The following PRKCZ variants were observed in gnomAD, a reference collection of about 807,000 sequenced individuals.
The protein encoded by PRKCZ is protein kinase C zeta.
A neutral mutation model predicts 79.5 loss-of-function variants in PRKCZ; 33 were observed. That is an observed-to-expected ratio of 0.41 (90% confidence interval 0.31 to 0.55). The LOEUF (loss-of-function observed/expected upper bound fraction) is 0.55, where lower values mean the gene tolerates loss of function less well. Among genes scored for constraint, PRKCZ ranks in the 20% least tolerant of loss-of-function variants. The pLI, the probability that PRKCZ is intolerant of heterozygous loss-of-function variation, is 0.19. For synonymous variants in PRKCZ, 342 were observed against 320.9 expected, an observed-to-expected ratio of 1.07 and a Z score of -0.70; for missense variants, 578 against 813.5, an observed-to-expected ratio of 0.71 and a Z score of 3.52.
chr1:2,112,385 C>T (rs969310795), intron 4 of PRKCZ, among the ~76,000 whole-genome samples: 1 of 152,202 alleles, frequency 6.6e-6, no homozygotes, highest in Non-Finnish European at 1.5e-5. Context: ...TGACGTGCTC[C>T]ATTGCAATGA....
chr1:2,076,451 G>A (rs1296790602), intron 4 of PRKCZ, among the ~76,000 whole-genome samples: 2 of 152,222 alleles, frequency 1.3e-5, no homozygotes, highest in Non-Finnish European at 2.9e-5. Flanking sequence ...GGCAGAAAAA[G>A]CTTTGTTCAG....
chr1:2,170,568 A>T (rs1463563172), intron 11 of PRKCZ, among the ~76,000 whole-genome samples: 1 of 152,160 alleles, frequency 6.6e-6, no homozygotes, highest in Non-Finnish European at 1.5e-5. Flanking sequence ...CTTTGCAGCC[A>T]CTGCTGGCCC....
chr1:2,129,088 G>A (rs1473209662), intron 4 of PRKCZ, among the ~76,000 whole-genome samples: 1 of 152,142 alleles, frequency 6.6e-6, no homozygotes. Flanking sequence ...CCCTGCCTGC[G>A]GGCCCAGAAA....
chr1:2,104,928 A>T, intron 4 of PRKCZ: 1 of 985,344 alleles, frequency 1.0e-6, no homozygotes, highest in Non-Finnish European at 1.2e-6. Flanking sequence ...ACCTCATTAC[A>T]CAGCACCCAG....
chr1:2,069,194 C>T (rs918672249), intron 4 of PRKCZ, among the ~76,000 whole-genome samples: 3 of 152,176 alleles, frequency 2.0e-5, no homozygotes, highest in African/African-American at 7.2e-5. Context: ...CCCCTGCATC[C>T]GTGCTGTGCT....
At chr1:2,155,631 G>A (rs1280525695) in intron 9 of PRKCZ, among the ~76,000 whole-genome samples, 1 of 149,328 alleles carries the variant, frequency 6.7e-6, no homozygotes, top group Non-Finnish European at 1.5e-5. Context: ...TGACAGTGGT[G>A]GTGAAGGTGA....
intron 10 of PRKCZ, among the ~76,000 whole-genome samples, chr1:2,162,193 G>A (rs1046326799): frequency 1.3e-5 from 2 of 152,134 alleles, no homozygotes; most frequent in South Asian, 2.1e-4. Context: ...GTGCAGTGGC[G>A]CAATCTTGGC....
chr1:2,099,753 T>C (rs1667141796), intron 4 of PRKCZ, among the ~76,000 whole-genome samples: 1 of 152,218 alleles, frequency 6.6e-6, no homozygotes, highest in Admixed American at 6.5e-5. Context: ...GCACATTTCA[T>C]GACTCTTTAA....
intron 4 of PRKCZ, among the ~76,000 whole-genome samples, chr1:2,100,496 C>T (rs541081214): frequency 1.3e-5 from 2 of 152,346 alleles, no homozygotes; most frequent in African/African-American, 4.8e-5. Context: ...CGATCTCCTC[C>T]AGGCACTGGC....
chr1:2,062,473 C>G (rs1182774945), intron 4 of PRKCZ, among the ~76,000 whole-genome samples: 1 of 151,544 alleles, frequency 6.6e-6, no homozygotes, highest in Non-Finnish European at 1.5e-5. Context: ...TCTATTTTTG[C>G]CATCTTAACT....
intron 4 of PRKCZ, among the ~76,000 whole-genome samples, chr1:2,076,229 G>A (rs1662391034): frequency 6.6e-6 from 1 of 152,042 alleles, no homozygotes; most frequent in Admixed American, 6.5e-5. Context: ...GCTCGAGTGT[G>A]GGCTCAGCAG....
At chr1:2,148,111 A>G (rs1160296070) in intron 7 of PRKCZ, among the ~76,000 whole-genome samples, 1 of 136,188 alleles carries the variant, frequency 7.3e-6, no homozygotes, top group East Asian at 2.2e-4. Flanking sequence ...CTATCCATCC[A>G]TCTATTGTCC....
chr1:2,086,432 C>T (rs16824755), intron 4 of PRKCZ, among the ~76,000 whole-genome samples: 298 of 152,298 alleles, frequency 2.0e-3, no homozygotes, highest in African/African-American at 6.8e-3. Context: ...TGTCATTGTT[C>T]GTCTTGAGGC....
intron 4 of PRKCZ, among the ~76,000 whole-genome samples, chr1:2,112,848 T>C (rs1348504699): frequency 6.6e-6 from 1 of 152,222 alleles, no homozygotes; most frequent in African/African-American, 2.4e-5. Flanking sequence ...CGCCACCATG[T>C]CTGGCTATTT....
intron 4 of PRKCZ, among the ~76,000 whole-genome samples, chr1:2,065,340 T>C (rs939449476): frequency 2.6e-5 from 4 of 152,246 alleles, no homozygotes; most frequent in Non-Finnish European, 5.9e-5. Flanking sequence ...TTTCTTTTTC[T>C]TGCCTAATTG....
At chr1:2,076,166 T>C (rs1662374028) in intron 4 of PRKCZ, among the ~76,000 whole-genome samples, 1 of 152,096 alleles carries the variant, frequency 6.6e-6, no homozygotes, top group Non-Finnish European at 1.5e-5. Context: ...TGTGGGAAAG[T>C]GTGATGACAT....
intron 4 of PRKCZ, among the ~76,000 whole-genome samples, chr1:2,074,535 C>A (rs953051137): frequency 9.2e-5 from 14 of 152,168 alleles, no homozygotes; most frequent in Non-Finnish European, 1.5e-4. Context: ...CTGGAGACCC[C>A]AGGTGCCAGG....
chr1:2,135,594 G>A (rs910068522), intron 5 of PRKCZ, among the ~76,000 whole-genome samples: 1 of 152,254 alleles, frequency 6.6e-6, no homozygotes, highest in Non-Finnish European at 1.5e-5. Context: ...GTGTCTGCCT[G>A]GCTGTGTGAC....
rs1003791666 is a variant in PRKCZ, at chr1:2,056,590, G to A, written c.283+17G>A. The A allele has an allele frequency of 3.1e-6, 5 of 1,606,924 alleles. No homozygotes were observed. Among genetic ancestry groups the A allele is most frequent in the Non-Finnish European group, 4.3e-6 (5 of 1,175,046 alleles). ...TCATTCATGGTTAGTGGCGGGGTCTGTGGTGGGCAGCTCTGGGGGGCTGTT... is the reference window on the plus strand; with the variant it reads ...TCATTCATGGTTAGTGGCGGGGTCTATGGTGGGCAGCTCTGGGGGGCTGTT... On this transcript the variant is annotated intron_variant, in intron 3 of 17. Transcript: ENST00000378567.
Sources: gnomAD v4.1 joint callset for allele counts (sites outside exome capture counted in the v4.1 genomes callset) on GRCh38, gnomAD v4.1.1 for gene constraint, MANE v1.5 for transcripts, NCBI Gene and HGNC (gene_info 2026-07-23, HGNC 2026-07-21) for gene names.